DCAF8: variants seen among roughly 807,000 people sequenced by gnomAD.
DCAF8 encodes DDB1- and CUL4-associated factor 8.
Under a neutral mutation model 68.0 loss-of-function variants are expected in DCAF8, and 20 were observed. The ratio of observed to expected loss-of-function variants is 0.29; its 90% CI spans 0.21 to 0.43. The LOEUF is 0.43. Ranked by LOEUF, DCAF8 falls within the 20% of genes least tolerant of loss-of-function variation. The pLI, the probability that DCAF8 is intolerant of heterozygous loss-of-function variation, is 1.00. For synonymous variants in DCAF8, 230 were observed against 276.9 expected (o/e 0.83, Z 1.68); for missense variants, 460 against 771.0 (o/e 0.60, Z 4.78).
At chr1:160,243,829 T>C (rs1571102484) in intron 3 of DCAF8, 131 bp downstream of exon 3, 2 of 827,514 alleles carry the variant, frequency 2.4e-6, no homozygotes, top group East Asian at 2.4e-5. Context: ...CTGTGTAGTT[T>C]CCTAAACTCA....
intron 7 of DCAF8, among the ~76,000 whole-genome samples, chr1:160,226,131 A>C (rs1655464192): frequency 2.0e-5 from 3 of 152,140 alleles, no homozygotes; most frequent in Admixed American, 2.0e-4. Context: ...GAAGTGGTTT[A>C]TCTCTCTCCT....
intron 10 of DCAF8, 60 bp from the exon 11 acceptor site, chr1:160,222,841 C>T (rs1212314962): frequency 2.1e-5 from 34 of 1,601,974 alleles, no homozygotes; most frequent in Non-Finnish European, 2.9e-5. Context: ...TATATACATT[C>T]ATCTCAAAGG....
intron 11 of DCAF8, chr1:160,220,476 G>C (rs1172401655): frequency 6.6e-6 from 1 of 152,238 alleles, no homozygotes; most frequent in Non-Finnish European, 1.5e-5. Context: ...GGAGCCTGCG[G>C]GGGGAGCCGA....
At chr1:160,256,438 T>C (rs1656837826) in intron 2 of DCAF8, among the ~76,000 whole-genome samples, 1 of 152,172 alleles carries the variant, frequency 6.6e-6, no homozygotes, top group South Asian at 2.1e-4. Context: ...GGGTCTAATG[T>C]TGGATTCTAA....
Position 160,243,996 on chromosome 1 carries a change from C to G in DCAF8, c.13G>C (p.Gly5Arg), listed in dbSNP as rs1258601539. The change falls in exon 3 of 14, where the codon GGG becomes CGG. Residue 5 changes from glycine (G) to arginine (R), a missense_variant. Gly to Arg is a moderately radical substitution (Grantham distance 125, BLOSUM62 -2). This residue lies in a region of DCAF8 where 156 missense variants were observed against 181.4 expected (regional missense o/e 0.86). Coordinates refer to ENST00000368074, the MANE Select transcript of DCAF8 (RefSeq NM_015726.4). ...TCTGTTCTGCCATCTGTGCTGCTCCCTTTGCTGGACATCTTGAATGATGTT... is the reference window on the plus strand; with the variant it reads ...TCTGTTCTGCCATCTGTGCTGCTCCGTTTGCTGGACATCTTGAATGATGTT... MSSK[G>R]SSTDGRTDLA... 3 of 1,614,164 alleles carry G rather than the reference C, an allele frequency of 1.9e-6. 1 individual carries two copies. The highest frequency in any genetic ancestry group is 2.2e-5 in the South Asian group (2 of 91,086).
At chr1:160,261,214 T>A (rs2101781698) in intron 2 of DCAF8, 71 bp downstream of exon 2, 1 of 152,320 alleles carries the variant, frequency 6.6e-6, no homozygotes, top group East Asian at 1.9e-4. Flanking sequence ...ATGACTTTAG[T>A]GGTCAGCAGT....
chr1:160,254,113 G>A (rs1165367188), intron 2 of DCAF8, among the ~76,000 whole-genome samples: 1 of 151,954 alleles, frequency 6.6e-6, no homozygotes, highest in South Asian at 2.1e-4. Context: ...CATGAGGTCA[G>A]GAGTTTGAGA....
chr1:160,257,408 C>G (rs1435382103), intron 2 of DCAF8, among the ~76,000 whole-genome samples: 1 of 152,088 alleles, frequency 6.6e-6, no homozygotes, highest in African/African-American at 2.4e-5. Context: ...TTAGAATAAA[C>G]TTTTATACAG....
At chr1:160,218,269 T>G in intron 13 of DCAF8, 55 bp downstream of exon 13, 1 of 1,410,860 alleles carries the variant, frequency 7.1e-7, no homozygotes, top group African/African-American at 1.4e-5. Flanking sequence ...CTGGAACTTT[T>G]TAGCCCTCTT....
intron 2 of DCAF8, among the ~76,000 whole-genome samples, chr1:160,244,335 G>A (rs1656235478): frequency 6.6e-6 from 1 of 152,156 alleles, no homozygotes; most frequent in Non-Finnish European, 1.5e-5. Flanking sequence ...AATAAAACCT[G>A]GAACAGGAGG....
chr1:160,240,692 T>C (rs978672124), intron 3 of DCAF8, among the ~76,000 whole-genome samples: 1 of 152,240 alleles, frequency 6.6e-6, no homozygotes, highest in African/African-American at 2.4e-5. Context: ...ACATCTACCA[T>C]TGGCTCTGTT....
intron 8 of DCAF8, 114 bp from the exon 9 acceptor site, chr1:160,225,233 A>C: frequency 1.0e-6 from 1 of 962,958 alleles, no homozygotes; most frequent in Admixed American, 2.3e-5. Flanking sequence ...GATTTGAGAA[A>C]GACAGACAGA....
chr1:160,235,069 T>C (rs528896449), intron 6 of DCAF8, among the ~76,000 whole-genome samples: 2 of 152,340 alleles, frequency 1.3e-5, no homozygotes, highest in African/African-American at 2.4e-5. Flanking sequence ...ATTTTACTTA[T>C]GTCCTATGTA....
intron 2 of DCAF8, among the ~76,000 whole-genome samples, chr1:160,246,792 C>T (rs948843141): frequency 4.6e-5 from 7 of 152,048 alleles, no homozygotes; most frequent in African/African-American, 1.2e-4. Context: ...AGAAGACCCC[C>T]GTCACTACAG....
At position 160,244,041 on chromosome 1, in the gene DCAF8, T is replaced by G. The variant is rs1277758379; in HGVS notation, c.-26-7A>C. 5 of 1,613,666 alleles carry G rather than the reference T, an allele frequency of 3.1e-6. No homozygotes were observed. The South Asian group carries it at 4.4e-5, about 14-fold the overall frequency. ...GATGTTTGCTGTAGCCAGCCTGGGTTTGGGAGAGGAAGAAACCAAAACAAT... is the reference window on the plus strand; with the variant it reads ...GATGTTTGCTGTAGCCAGCCTGGGTGTGGGAGAGGAAGAAACCAAAACAAT... On this transcript the variant is annotated splice_polypyrimidine_tract_variant and splice_region_variant and intron_variant, in intron 2 of 13. Coordinates refer to ENST00000368074, the MANE Select transcript of DCAF8 (RefSeq NM_015726.4).
chr1:160,218,465 A>C, intron 12 of DCAF8, 25 bp from the exon 13 acceptor site: 3 of 1,578,734 alleles, frequency 1.9e-6, no homozygotes, highest in African/African-American at 1.3e-5. Flanking sequence ...GGTTGGGAAG[A>C]GGGGGCAGCA....
At chr1:160,223,170 G>T (rs1329645857) in intron 10 of DCAF8, among the ~76,000 whole-genome samples, 1 of 152,180 alleles carries the variant, frequency 6.6e-6, no homozygotes, top group Non-Finnish European at 1.5e-5. Context: ...ATATTTCTGG[G>T]TCATCAGCTG....
In DCAF8 at chr1:160,239,809, C is replaced by T. The variant is rs752089736; in HGVS notation, c.611G>A (p.Arg204His). 13 of 1,614,266 alleles carry T rather than the reference C, an allele frequency of 8.1e-6. No homozygotes were observed. The highest frequency in any genetic ancestry group is 5.5e-5 in the South Asian group (5 of 91,092). ...GCTGCCACTGGCCAGCCAGGTGCCG[C>T]GCTGGTTAAAGTGCAGGGTATTGAC... ...GCVNTLHFNQ[R>H]GTWLASGSDD... The change falls in exon 4 of 14, where the codon CGC becomes CAC. Residue 204 changes from arginine to histidine, a missense_variant. Coordinates refer to ENST00000368074, the MANE Select transcript of DCAF8 (RefSeq NM_015726.4).
At chr1:160,255,317 G>A (rs1001251221) in intron 2 of DCAF8, among the ~76,000 whole-genome samples, 4 of 151,830 alleles carry the variant, frequency 2.6e-5, no homozygotes, top group East Asian at 1.9e-4. Flanking sequence ...TATTATTATC[G>A]TAGAGACGGA....
Sources: gnomAD v4.1 joint callset for allele counts (sites outside exome capture counted in the v4.1 genomes callset) on GRCh38, gnomAD v4.1.1 for gene constraint, gnomAD v4.1.1 regional missense constraint, MANE v1.5 for transcripts, NCBI Gene and HGNC (gene_info 2026-07-23, HGNC 2026-07-21) for gene names.